The following ZNF18 variants were observed in gnomAD, a reference collection of about 807,000 sequenced individuals.
ZNF18 encodes heart development-specific gene 1 protein.
A neutral mutation model predicts 58.1 loss-of-function variants in ZNF18; 42 were observed. The ratio of observed to expected loss-of-function variants is 0.72; its 90% CI spans 0.56 to 0.93. The LOEUF is 0.93. Among genes scored for constraint, ZNF18 ranks in the 40% least tolerant of loss-of-function variants. The pLI, the probability that ZNF18 is intolerant of heterozygous loss-of-function variation, is 0.00. For missense variants in ZNF18, 540 were observed against 644.2 expected (o/e 0.84, Z 1.75); for synonymous variants, 231 against 239.8 (o/e 0.96, Z 0.34).
At chr17:12,020,878 C>G in the ZNF18 span, 1 of 1,190,032 alleles carries the variant, frequency 8.4e-7, no homozygotes, top group Non-Finnish European at 1.0e-6. Flanking sequence ...CGGCTCTTCA[C>G]TCCCAACAAT....
At chr17:11,987,038 G>A (rs1967794497) in intron 4 of ZNF18, among the ~76,000 whole-genome samples, 1 of 152,202 alleles carries the variant, frequency 6.6e-6, no homozygotes, top group South Asian at 2.1e-4. Flanking sequence ...GACGCCAATG[G>A]CAGCCAGCTT....
Position 11,992,712 on chromosome 17 carries a change from C to A in ZNF18, c.118G>T (p.Ala40Ser), listed in dbSNP as rs769046477. 1.2e-6 allele frequency: 2 copies of A among 1,614,240 alleles called. No homozygotes were observed. Among genetic ancestry groups the A allele is most frequent in the African/African-American group, 1.3e-5 (1 of 75,060 alleles). The stretch of plus-strand genomic sequence containing the variant: ...CGGAACTGCCTGAAAAGCTGGCGTG[C>A]GGTCTCAGGGCTGGAGAGTTCCTCT... ...LQEELSSPET[A>S]RQLFRQFRYQ... The change falls in exon 2 of 7, where the codon GCA becomes TCA. Residue 40 changes from alanine to serine, a missense_variant. Transcript: ENST00000580306.
intron 2 of ZNF18, 25 bp from the exon 3 acceptor site, chr17:11,991,188 ATTAC>A: frequency 6.3e-7 from 1 of 1,584,810 alleles, no homozygotes; most frequent in Non-Finnish European, 8.6e-7. Context: ...TTAATTAGTA[ATTAC>A]TGAAGAATCC....
the ZNF18 span, among the ~76,000 whole-genome samples, chr17:12,010,037 CA>C: frequency 6.6e-6 from 1 of 151,972 alleles, no homozygotes; most frequent in East Asian, 1.9e-4. Context: ...CAGACCAAAA[CA>C]GGGGTGAAAG....
Position 11,977,920 on chromosome 17 carries a change from G to A in ZNF18, c.*37C>T, listed in dbSNP as rs1328735410. ...AGCTGAGTATTTTTGTGACTGGGCT[G>A]GGAGATAGAAATGGGGAAAGAGAGT... On this transcript the variant is annotated 3_prime_UTR_variant, in exon 7 of 7. Coordinates refer to ENST00000580306, the MANE Select transcript of ZNF18 (RefSeq NM_001303281.2). 10 of 1,529,154 alleles carry A rather than the reference G, an allele frequency of 6.5e-6. No homozygotes were observed. Among genetic ancestry groups the A allele is most frequent in the Non-Finnish European group, 8.8e-6 (10 of 1,141,252 alleles). The allele number at this position is 1,529,154 out of a possible 1,614,324, so 94.7% of individuals were successfully genotyped here.
At chr17:12,005,709 A>G in the ZNF18 span, among the ~76,000 whole-genome samples, 1 of 152,192 alleles carries the variant, frequency 6.6e-6, no homozygotes, top group Non-Finnish European at 1.5e-5. Flanking sequence ...AATGAGGTGT[A>G]TTATATTTCT....
chr17:11,992,807 G>A lies in ZNF18; in HGVS notation c.23C>T (p.Ala8Val). The A allele has an allele frequency of 6.2e-7, 1 of 1,613,108 alleles. No individual in the cohort carries two copies. Among genetic ancestry groups the A allele is most frequent in the Non-Finnish European group, 8.5e-7 (1 of 1,179,744 alleles). MPVDLGQ[A>V]LGLLPSLAKA... ...CGCCAGCGATGGCAGCAGGCCTAGG[G>A]CCTGCCCCAAGTCAACGGGCATTGT... Residue 8 changes from alanine to valine, a missense_variant, in exon 2 of 7, where the codon GCC becomes GTC. Ala to Val is a moderately conservative substitution (Grantham distance 64, BLOSUM62 0). Coordinates refer to ENST00000580306, the MANE Select transcript of ZNF18 (RefSeq NM_001303281.2).
intron 6 of ZNF18, among the ~76,000 whole-genome samples, chr17:11,980,563 G>A (rs1031642672): frequency 3.3e-5 from 5 of 152,194 alleles, no homozygotes; most frequent in East Asian, 1.9e-4. Context: ...TGGGATTACA[G>A]GTGCCCGCCA....
At chr17:11,984,281 T>G in intron 4 of ZNF18, 84 bp from the exon 5 acceptor site, 1 of 1,352,924 alleles carries the variant, frequency 7.4e-7, no homozygotes, top group Non-Finnish European at 1.0e-6. Flanking sequence ...AAAGGAAAGC[T>G]GAGAAGACAG....
At chr17:12,012,240 G>T in the ZNF18 span, among the ~76,000 whole-genome samples, 6 of 152,048 alleles carry the variant, frequency 3.9e-5, no homozygotes, top group African/African-American at 7.2e-5. Flanking sequence ...AGCAAACCAT[G>T]GTGTTCTTCA....
At chr17:12,010,933 C>T in the ZNF18 span, 1 of 610,262 alleles carries the variant, frequency 1.6e-6, no homozygotes, top group East Asian at 2.9e-5. Flanking sequence ...TCTTCACGTG[C>T]TTAACATGCC....
intron 4 of ZNF18, among the ~76,000 whole-genome samples, chr17:11,984,617 G>A (rs933626742): frequency 6.6e-6 from 1 of 151,640 alleles, no homozygotes; most frequent in Non-Finnish European, 1.5e-5. Flanking sequence ...AGGTTCAAGC[G>A]ATTCTCCTGC....
chr17:11,978,736 G>GTCTA lies in ZNF18; in HGVS notation c.867_870dup (p.Gln291Ter), dbSNP rs762146492. ...TTTAGGTTCTCCTTGTCATTCTCTTGTCTATCTCCTAAAAGAAGAAAGAAG... is the reference window on the plus strand; with the variant it reads ...TTTAGGTTCTCCTTGTCATTCTCTTGTCTATCTATCTCCTAAAAGAAGAAAGAAG... On this transcript the variant is annotated stop_gained and frameshift_variant, in exon 7 of 7. Transcript: ENST00000580306. LOFTEE classifies it high-confidence loss of function. The GTCTA allele has an allele frequency of 6.3e-7, 1 of 1,583,992 alleles. No homozygotes were observed. Among genetic ancestry groups the GTCTA allele is most frequent in the South Asian group, 1.1e-5 (1 of 88,984 alleles).
At position 11,990,486 on chromosome 17, in the gene ZNF18, G is replaced by A. The variant is rs1230827872; in HGVS notation, c.642C>T (p.Ala214=). ...CCTGAGGTGCTGCTGGGAGCAGTGAGGCTCCGAGGTCCTGGTCTCTGATCA... is the reference window on the plus strand; with the variant it reads ...CCTGAGGTGCTGCTGGGAGCAGTGAAGCTCCGAGGTCCTGGTCTCTGATCA... The part of the protein sequence containing the change: ...ERLIRDQDLG[A]SLLPAAPQEQ... The change falls in exon 4 of 7, where the codon GCC becomes GCT. Residue 214 remains alanine (A), a synonymous_variant. Coordinates refer to ENST00000580306, the MANE Select transcript of ZNF18 (RefSeq NM_001303281.2). 4 of 1,613,130 alleles carry A rather than the reference G, an allele frequency of 2.5e-6. No individual in the cohort carries two copies. The highest frequency in any genetic ancestry group is 1.7e-5 in the Admixed American group (1 of 59,962).
the ZNF18 span, among the ~76,000 whole-genome samples, chr17:12,013,348 T>C: frequency 6.6e-6 from 1 of 152,252 alleles, no homozygotes; most frequent in Non-Finnish European, 1.5e-5. Context: ...CTTTGCTTAT[T>C]GTGTTTTTTG....
At chr17:12,008,350 T>C in the ZNF18 span, among the ~76,000 whole-genome samples, 1 of 152,136 alleles carries the variant, frequency 6.6e-6, no homozygotes, top group African/African-American at 2.4e-5. Context: ...AGTCTGACCA[T>C]CCCATTATTA....
At chr17:11,990,664 G>A (rs1335645743) in intron 3 of ZNF18, 114 bp from the exon 4 acceptor site, 8 of 796,106 alleles carry the variant, frequency 1.0e-5, no homozygotes, top group Non-Finnish European at 1.4e-5. Flanking sequence ...TACCTGTACT[G>A]CCATCTATAT....
the ZNF18 span, among the ~76,000 whole-genome samples, chr17:12,015,490 T>C: frequency 1.3e-5 from 2 of 152,254 alleles, no homozygotes; most frequent in East Asian, 3.8e-4. Context: ...TAATACAATT[T>C]AGCAAAATGT....
upstream of ZNF18, among the ~76,000 whole-genome samples, chr17:12,001,282 G>A (rs1323711185): frequency 6.6e-6 from 1 of 152,176 alleles, no homozygotes; most frequent in African/African-American, 2.4e-5. Context: ...AGTTAAACAA[G>A]AGGAGTAAGT....
Sources: allele counts gnomAD v4.1 joint callset (sites outside exome capture counted in the v4.1 genomes callset), GRCh38; gene constraint gnomAD v4.1.1; transcripts MANE v1.5; gene names NCBI Gene and HGNC (gene_info 2026-07-23, HGNC 2026-07-21).